Variants in UBOX5 observed in about 807,000 individuals in gnomAD.
UBOX5 encodes U-box domain containing 5.
In UBOX5, 28 loss-of-function variants were observed where a neutral mutation model predicts 39.0. The observed-to-expected ratio is 0.72, with a 90% CI of 0.53 to 0.98. UBOX5 has a LOEUF of 0.98. Ranked by LOEUF, UBOX5 falls within the 50% of genes least tolerant of loss-of-function variation. The pLI, the probability that UBOX5 is intolerant of heterozygous loss-of-function variation, is 0.00. For synonymous variants in UBOX5, 283 were observed against 275.5 expected (o/e 1.03, Z -0.27); for missense variants, 585 against 674.4 (o/e 0.87, Z 1.47).
At chr20:3,136,846 G>A (rs1345547298) in intron 1 of UBOX5, among the ~76,000 whole-genome samples, 3 of 151,622 alleles carry the variant, frequency 2.0e-5, no homozygotes, top group Non-Finnish European at 4.4e-5. Context: ...TAGTAGAGAC[G>A]GGGTTTCACT....
chr20:3,146,834 C>T (rs754823337), intron 1 of UBOX5: 24 of 1,614,006 alleles, frequency 1.5e-5, no homozygotes, highest in Admixed American at 6.7e-5. Context: ...TAAGCGAGTT[C>T]GTTTCAGTAG....
At position 3,110,138 on chromosome 20, in the gene UBOX5, C is replaced by T; in HGVS notation, c.1594G>A (p.Ala532Thr). ...TGGACCCGCAGCACGTCTTGGCTAGCAACCGGCCGCTGGCAGGCTGTGCAC... is the reference window on the plus strand; with the variant it reads ...TGGACCCGCAGCACGTCTTGGCTAGTAACCGGCCGCTGGCAGGCTGTGCAC... ...MTCTACQRPV[A>T]SQDVLRVHF Residue 532 changes from alanine to threonine, a missense_variant, in exon 5 of 5, where the codon GCT (alanine) becomes ACT (threonine). By Grantham distance (58) the Ala-to-Thr change is moderately conservative. Coordinates refer to ENST00000217173, the MANE Select transcript of UBOX5 (RefSeq NM_014948.4). 6.2e-7 allele frequency: 1 copy of T among 1,612,750 alleles called. No homozygotes were observed. Among genetic ancestry groups the T allele is most frequent in the Non-Finnish European group, 8.5e-7 (1 of 1,180,026 alleles).
At chr20:3,142,788 A>G (rs1032038870) in intron 1 of UBOX5, among the ~76,000 whole-genome samples, 38 of 150,854 alleles carry the variant, frequency 2.5e-4, no homozygotes, top group African/African-American at 8.2e-4. Flanking sequence ...AAAAAAAAAA[A>G]AAAAGAAAAG....
In UBOX5 at chr20:3,109,562, A is replaced by C; in HGVS notation, c.*544T>G. On this transcript the variant is annotated 3_prime_UTR_variant, in exon 5 of 5. Coordinates refer to ENST00000217173, the MANE Select transcript of UBOX5 (RefSeq NM_014948.4). ...CCACTTGTGTGGGTGCAGGTGGGCG[A>C]CAGGAGTGTGTGACACAGACAGGCA... The C allele has an allele frequency of 1.4e-4, 23 of 161,326 alleles. No individual in the cohort carries two copies. Among genetic ancestry groups the C allele is most frequent in the South Asian group, 1.4e-3 (8 of 5,622 alleles). 10.0% of individuals were successfully genotyped at this position (161,326 alleles called of 1,614,324 possible).
rs548499225 is a variant in UBOX5, at chr20:3,109,271, T to A, written c.*835A>T. The stretch of plus-strand genomic sequence containing the variant: ...TGGGCTGAAAAAAGGATGCAGCCTA[T>A]AAACAAGTATTTTTCCTGAAACCAA... On this transcript the variant is annotated 3_prime_UTR_variant, in exon 5 of 5. Coordinates refer to ENST00000217173, the MANE Select transcript of UBOX5 (RefSeq NM_014948.4). The A allele has an allele frequency of 2.0e-4, 31 of 152,282 alleles. No individual in the cohort carries two copies. Among genetic ancestry groups the A allele is most frequent in the Admixed American group, 2.0e-3 (31 of 15,298 alleles). The allele number at this position is 152,282 out of a possible 1,614,324, so 9.4% of individuals were successfully genotyped here. A position where few individuals can be genotyped will look rare whatever the true frequency, so the allele number is the denominator to read the frequency against.
chr20:3,137,795 T>C (rs1276656986), intron 1 of UBOX5, among the ~76,000 whole-genome samples: 1 of 152,246 alleles, frequency 6.6e-6, no homozygotes, highest in East Asian at 1.9e-4. Context: ...GAAAGTCTTT[T>C]ATCTTATAAA....
At chr20:3,117,078 A>C (rs2066298925) in intron 3 of UBOX5, among the ~76,000 whole-genome samples, 1 of 151,884 alleles carries the variant, frequency 6.6e-6, no homozygotes, top group Non-Finnish European at 1.5e-5. Context: ...CCTGGGTGAC[A>C]GAGCGAGACT....
At chr20:3,133,033 G>T (rs1307758945) in intron 1 of UBOX5, among the ~76,000 whole-genome samples, 1 of 152,040 alleles carries the variant, frequency 6.6e-6, no homozygotes, top group African/African-American at 2.4e-5. Flanking sequence ...ACTCAGGACT[G>T]AAGATCAAAT....
rs1337628982 is a variant in UBOX5, at chr20:3,124,909, C to G, written c.-41-1503G>C. Among the ~76,000 whole-genome samples the G allele has an allele frequency of 2.1e-5, 3 of 146,008 alleles. No individual in the cohort carries two copies. The Admixed American group carries it at 2.1e-4, about 10-fold the overall frequency. Reference sequence around the variant, plus strand: ...GCCCCGTCTGGGAGGTGAGGAGTGCCTCTGCCTGGCCACCCATCATCTGGG... The same window carrying G: ...GCCCCGTCTGGGAGGTGAGGAGTGCGTCTGCCTGGCCACCCATCATCTGGG... On this transcript the variant is annotated intron_variant, in intron 1 of 4. Coordinates refer to ENST00000217173, the MANE Select transcript of UBOX5 (RefSeq NM_014948.4).
rs186856060 is a variant in UBOX5 at position 3,158,631 on chromosome 20, C to T, written c.-42+1135G>A. On this transcript the variant is annotated intron_variant, in intron 1 of 4. Coordinates refer to ENST00000217173, the MANE Select transcript of UBOX5 (RefSeq NM_014948.4). Reference sequence around the variant, plus strand: ...CTGGGACTACAGGCGCCCGCCACCACGCCCAGCTATTTTTTTGTATTTTTA... The same window carrying T: ...CTGGGACTACAGGCGCCCGCCACCATGCCCAGCTATTTTTTTGTATTTTTA... Among the ~76,000 whole-genome samples the T allele has an allele frequency of 6.8e-3, 1,029 of 152,278 alleles. 9 individuals are homozygous for T. The highest frequency in any genetic ancestry group is 0.011 in the Non-Finnish European group (719 of 68,022).
In UBOX5 at chr20:3,135,429, G is replaced by T. The variant is rs77149445; in HGVS notation, c.-41-12023C>A. Among the ~76,000 whole-genome samples the T allele has an allele frequency of 2.5e-3, 383 of 152,300 alleles. 1 individual carries two copies. The highest frequency in any genetic ancestry group is 8.7e-3 in the African/African-American group (360 of 41,566). On this transcript the variant is annotated intron_variant, in intron 1 of 4. Transcript: ENST00000217173. ...GAAGTGTGAGGCTGGTTCAGGAGATGCTGAACATGCCACTTAGCTATGGAG... is the reference window on the plus strand; with the variant it reads ...GAAGTGTGAGGCTGGTTCAGGAGATTCTGAACATGCCACTTAGCTATGGAG...
intron 1 of UBOX5, among the ~76,000 whole-genome samples, chr20:3,136,479 G>A (rs1312987476): frequency 8.6e-5 from 13 of 150,756 alleles, no homozygotes; most frequent in East Asian, 2.0e-4. Context: ...TCAGCCTCCC[G>A]AGTAGCTGGG....
Position 3,109,246 on chromosome 20 carries a change from T to A in UBOX5, c.*860A>T, listed in dbSNP as rs1277083176. The A allele has an allele frequency of 6.6e-6, 1 of 152,144 alleles. No individual in the cohort carries two copies. The highest frequency in any genetic ancestry group is 3.2e-3 in the Middle Eastern group (1 of 316). The allele number at this position is 152,144 out of a possible 1,614,324, so 9.4% of individuals were successfully genotyped here. ...TTTGGCACTCCATAAAGCTAAATGT[T>A]GGGCTGAAAAAAGGATGCAGCCTAT... On this transcript the variant is annotated 3_prime_UTR_variant, in exon 5 of 5. Transcript: ENST00000217173.
intron 1 of UBOX5, among the ~76,000 whole-genome samples, chr20:3,144,378 T>C (rs903604433): frequency 6.6e-6 from 1 of 152,204 alleles, no homozygotes; most frequent in Non-Finnish European, 1.5e-5. Context: ...AACCATTCAA[T>C]GCAGGAAGAA....
chr20:3,128,654 G>T (rs1280794411), intron 1 of UBOX5, among the ~76,000 whole-genome samples: 1 of 152,112 alleles, frequency 6.6e-6, no homozygotes, highest in African/African-American at 2.4e-5. Flanking sequence ...TTGAGCCCAG[G>T]AGTTCGAGAT....
chr20:3,136,303 C>T lies in UBOX5; in HGVS notation c.-41-12897G>A, dbSNP rs146261484. The T allele has an allele frequency of 2.1e-4, 31 of 150,334 alleles. 1 individual carries two copies. The East Asian group carries it at 4.9e-3, about 24-fold the overall frequency. 9.3% of individuals were successfully genotyped at this position (150,334 alleles called of 1,614,324 possible). On this transcript the variant is annotated intron_variant, in intron 1 of 4. Transcript: ENST00000217173. ...AAAATGAACTATGTATAATGTATTA[C>T]TGAGCATCTCACAAGGATTTCAAAG...
In UBOX5 at chr20:3,148,798, C is replaced by T. The variant is rs540055875; in HGVS notation, c.-42+10968G>A. 9 of 1,614,238 alleles carry T rather than the reference C, an allele frequency of 5.6e-6. No individual in the cohort carries two copies. The East Asian group carries it at 1.8e-4, about 32-fold the overall frequency. ...CTGTGGCCCTGGGTGAGCCCAGCTG[C>T]AATGTACTGGCCTTAGAGGAAGAAG... On this transcript the variant is annotated intron_variant, in intron 1 of 4. Transcript: ENST00000217173.
chr20:3,159,042 G>C (rs2066718740), intron 1 of UBOX5, among the ~76,000 whole-genome samples: 1 of 152,186 alleles, frequency 6.6e-6, no homozygotes, highest in African/African-American at 2.4e-5. Context: ...ACCCAAGACT[G>C]ATGAACACAG....
rs1477655108 is a variant in UBOX5, at chr20:3,121,876, T to C, written c.763A>G (p.Ile255Val). The change falls in exon 3 of 5, where the codon ATC becomes GTC. Residue 255 changes from isoleucine to valine, a missense_variant. Ile to Val is a conservative substitution (Grantham distance 29, BLOSUM62 3). Coordinates refer to ENST00000217173, the MANE Select transcript of UBOX5 (RefSeq NM_014948.4). ...AACTCCTCAGGCACATCCTGAATGA[T>C]CTCGGCCAGCTTCTGCAGGCTGGAG... is the stretch of plus-strand genomic sequence containing the variant. ...APSSLQKLAE[I>V]IQDVPEEFLD... is the part of the protein sequence containing the mutation. The C allele has an allele frequency of 1.9e-6, 3 of 1,613,986 alleles. No homozygotes were observed. Among genetic ancestry groups the C allele is most frequent in the Middle Eastern group, 3.3e-4 (2 of 6,062 alleles).
Sources: allele counts gnomAD v4.1 joint callset (sites outside exome capture counted in the v4.1 genomes callset), GRCh38; gene constraint gnomAD v4.1.1; transcripts MANE v1.5; gene names NCBI Gene and HGNC (gene_info 2026-07-23, HGNC 2026-07-21).